ARHGAP10: variants seen among roughly 807,000 people sequenced by gnomAD.
ARHGAP10 encodes rho GTPase-activating protein 10.
Under a neutral mutation model 108.6 loss-of-function variants are expected in ARHGAP10, and 87 were observed. That is an observed-to-expected ratio of 0.80 (90% CI 0.67 to 0.96). The LOEUF is 0.96. ARHGAP10 is among the 40% of genes least tolerant of loss of function. The probability of loss-of-function intolerance (pLI) is 0.00; values close to 1 mark genes in which losing one functional copy is unlikely to be tolerated. For missense variants in ARHGAP10, 939 were observed against 954.5 expected, an observed-to-expected ratio of 0.98 and a Z score of 0.21; for synonymous variants, 347 against 341.1, an observed-to-expected ratio of 1.02 and a Z score of -0.19.
At chr4:147,890,592 C>T (rs908818593) in intron 10 of ARHGAP10, among the ~76,000 whole-genome samples, 8 of 152,180 alleles carry the variant, frequency 5.3e-5, no homozygotes, top group South Asian at 2.1e-4. Context: ...TTTGGGAGGC[C>T]GAGGTGGGCG....
At chr4:147,926,996 A>C (rs1266079812) in intron 13 of ARHGAP10, among the ~76,000 whole-genome samples, 1 of 152,188 alleles carries the variant, frequency 6.6e-6, no homozygotes, top group African/African-American at 2.4e-5. Flanking sequence ...CCTGAAGTGA[A>C]GAAACGTGAT....
At chr4:147,915,656 C>A (rs1315407842) in intron 13 of ARHGAP10, among the ~76,000 whole-genome samples, 1 of 152,052 alleles carries the variant, frequency 6.6e-6, no homozygotes, top group Non-Finnish European at 1.5e-5. Flanking sequence ...TTTATGTTAG[C>A]TTTTCTCATT....
At chr4:147,790,455 C>CT (rs1242465334) in intron 1 of ARHGAP10, among the ~76,000 whole-genome samples, 2 of 152,248 alleles carry the variant, frequency 1.3e-5, no homozygotes. Context: ...TTGAGAAGAT[C>CT]CAGTGTATCA....
At chr4:147,733,194 T>C (rs1271859648) in intron 1 of ARHGAP10, among the ~76,000 whole-genome samples, 1 of 152,212 alleles carries the variant, frequency 6.6e-6, no homozygotes, top group Non-Finnish European at 1.5e-5. Context: ...CCTGAACTTC[T>C]GTCTCTTAAA....
At chr4:147,784,654 T>TTATAAAATATATATTATATATTATAAA (rs1730746363) in intron 1 of ARHGAP10, among the ~76,000 whole-genome samples, 1 of 11,916 alleles carries the variant, frequency 8.4e-5, no homozygotes, top group African/African-American at 1.6e-4. Context: ...AAAATATATA[T>TTATAAAATATATATTATATATTATAAA]TATAAAATAT....
At chr4:147,883,788 G>A (rs1003425340) in intron 10 of ARHGAP10, among the ~76,000 whole-genome samples, 14 of 151,612 alleles carry the variant, frequency 9.2e-5, no homozygotes, top group Admixed American at 2.6e-4. Flanking sequence ...TCTGCCTCCC[G>A]GGCTCAAGTG....
At chr4:148,060,345 G>GTTT (rs75224309) in intron 20 of ARHGAP10, among the ~76,000 whole-genome samples, 2 of 135,052 alleles carry the variant, frequency 1.5e-5, no homozygotes, top group African/African-American at 2.9e-5. Context: ...CTCATGTTTA[G>GTTT]TTTTTTTTTT....
chr4:147,844,128 T>C (rs1214949544), intron 3 of ARHGAP10, among the ~76,000 whole-genome samples: 1 of 152,216 alleles, frequency 6.6e-6, no homozygotes, highest in Non-Finnish European at 1.5e-5. Flanking sequence ...CCCAGCTGCT[T>C]TCCCTCAAGA....
intron 3 of ARHGAP10, among the ~76,000 whole-genome samples, chr4:147,840,403 C>T (rs1168223559): frequency 2.6e-5 from 4 of 152,068 alleles, no homozygotes; most frequent in Admixed American, 2.6e-4. Context: ...TCACATGAAA[C>T]ATCTAGTTTT....
At chr4:147,811,352 T>A (rs561652067) in intron 1 of ARHGAP10, among the ~76,000 whole-genome samples, 11 of 152,326 alleles carry the variant, frequency 7.2e-5, no homozygotes, top group African/African-American at 2.6e-4. Flanking sequence ...ACCCACTGTG[T>A]ATATTGGGGT....
At chr4:148,035,106 A>G (rs1035630102) in intron 19 of ARHGAP10, among the ~76,000 whole-genome samples, 1 of 152,156 alleles carries the variant, frequency 6.6e-6, no homozygotes, top group African/African-American at 2.4e-5. Flanking sequence ...AGCTGTTGCT[A>G]TAACTTTATA....
intron 18 of ARHGAP10, among the ~76,000 whole-genome samples, chr4:148,022,157 T>C (rs1291793247): frequency 6.6e-6 from 1 of 152,212 alleles, no homozygotes; most frequent in Non-Finnish European, 1.5e-5. Context: ...TTTTTGTTTT[T>C]AAATTATACA....
chr4:147,884,726 T>A (rs750883102), intron 10 of ARHGAP10, among the ~76,000 whole-genome samples: 1 of 152,032 alleles, frequency 6.6e-6, no homozygotes, highest in Non-Finnish European at 1.5e-5. Flanking sequence ...GAGTGTCACA[T>A]GTGGAGGCCT....
intron 3 of ARHGAP10, among the ~76,000 whole-genome samples, chr4:147,825,643 A>G (rs1046265478): frequency 6.6e-6 from 1 of 152,152 alleles, no homozygotes; most frequent in African/African-American, 2.4e-5. Flanking sequence ...GTAGTCATCA[A>G]TTTTTCAGCT....
At chr4:147,914,644 T>C (rs772750974) in intron 13 of ARHGAP10, among the ~76,000 whole-genome samples, 1 of 150,232 alleles carries the variant, frequency 6.7e-6, no homozygotes, top group Non-Finnish European at 1.5e-5. Flanking sequence ...TCTGGCTTTG[T>C]CTGTGTAATG....
chr4:147,801,755 G>C (rs1731591437), intron 1 of ARHGAP10, among the ~76,000 whole-genome samples: 1 of 152,194 alleles, frequency 6.6e-6, no homozygotes. Flanking sequence ...CTTTTCATCA[G>C]GTCATCGCTG....
chr4:147,935,827 G>A (rs889538219), intron 13 of ARHGAP10, among the ~76,000 whole-genome samples: 41 of 152,272 alleles, frequency 2.7e-4, no homozygotes, highest in African/African-American at 5.1e-4. Context: ...TTTTGTGCAA[G>A]GTTTATTTAA....
chr4:147,752,911 A>G (rs1454752123), intron 1 of ARHGAP10, among the ~76,000 whole-genome samples: 1 of 152,176 alleles, frequency 6.6e-6, no homozygotes, highest in Non-Finnish European at 1.5e-5. Context: ...TTTCTTCCCA[A>G]ATAATAGCCA....
chr4:147,793,503 A>G (rs767942872), intron 1 of ARHGAP10, among the ~76,000 whole-genome samples: 1 of 152,150 alleles, frequency 6.6e-6, no homozygotes, highest in African/African-American at 2.4e-5. Flanking sequence ...GGGCCTTGAA[A>G]GGAGGAGTTG....
Sources: allele counts gnomAD v4.1 joint callset (sites outside exome capture counted in the v4.1 genomes callset), GRCh38; gene constraint gnomAD v4.1.1; transcripts MANE v1.5; gene names NCBI Gene and HGNC (gene_info 2026-07-23, HGNC 2026-07-21).